OPCML: variants seen among roughly 807,000 people sequenced by gnomAD.
The protein encoded by OPCML is opioid binding protein/cell adhesion molecule like.
In OPCML, 13 loss-of-function variants were observed where a neutral mutation model predicts 37.8. The observed-to-expected ratio is 0.34, with a 90% CI of 0.22 to 0.55. The LOEUF (loss-of-function observed/expected upper bound fraction) is 0.55. OPCML is among the 20% of genes least tolerant of loss of function. The probability of loss-of-function intolerance (pLI) is 0.91; values close to 1 mark genes in which losing one functional copy is unlikely to be tolerated. For synonymous variants in OPCML, 176 were observed against 168.8 expected (o/e 1.04, Z -0.33); for missense variants, 341 against 435.6 (o/e 0.78, Z 1.93).
chr11:133,037,272 C>T lies in OPCML; in HGVS notation c.62-94262G>A, dbSNP rs192875986. 3.3e-5 allele frequency among the ~76,000 whole-genome samples: 5 copies of T among 152,202 alleles called. No individual in the cohort carries two copies. In the East Asian group the frequency reaches 9.7e-4, roughly 29 times the overall value. On this transcript the variant is annotated intron_variant, in intron 1 of 7. Transcript: ENST00000524381. Reference sequence around the variant, plus strand: ...CTTATATCATTCTGGGAAGTAATCTCAATACGTAAGAGTTATAAGAAACCA... The same window carrying T: ...CTTATATCATTCTGGGAAGTAATCTTAATACGTAAGAGTTATAAGAAACCA...
intron 1 of OPCML, among the ~76,000 whole-genome samples, chr11:133,184,176 T>C (rs1937966179): frequency 6.6e-6 from 1 of 152,176 alleles, no homozygotes; most frequent in African/African-American, 2.4e-5. Flanking sequence ...TTTGTCTATT[T>C]CCTCACTCGC....
chr11:132,730,558 G>A (rs530383386), intron 2 of OPCML, among the ~76,000 whole-genome samples: 1 of 152,206 alleles, frequency 6.6e-6, no homozygotes, highest in African/African-American at 2.4e-5. Context: ...ATAACCCCCT[G>A]GAGAAGCACC....
intron 3 of OPCML, among the ~76,000 whole-genome samples, chr11:132,632,794 C>T (rs897104951): frequency 5.3e-5 from 8 of 152,112 alleles, no homozygotes; most frequent in Non-Finnish European, 8.8e-5. Context: ...CACATCTCTG[C>T]GTTCAGCACG....
intron 4 of OPCML, among the ~76,000 whole-genome samples, chr11:132,447,352 G>T (rs1269843169): frequency 2.6e-5 from 4 of 152,176 alleles, no homozygotes; most frequent in Admixed American, 2.6e-4. Context: ...AGACAGGAGT[G>T]CAGTGGCGCA....
chr11:132,824,815 C>G lies in OPCML; in HGVS notation c.146+118111G>C, dbSNP rs1235839663. Among the ~76,000 whole-genome samples, 6 of 152,286 alleles carry G rather than the reference C, an allele frequency of 3.9e-5. No homozygotes were observed. The East Asian group carries it at 1.2e-3, about 29-fold the overall frequency. On this transcript the variant is annotated intron_variant, in intron 2 of 7. Transcript: ENST00000524381. ...GTGATTGTCATTCCTCCCTCTGTGACCCCATCTCACACCACTTCCTCCTGC... is the reference window on the plus strand; with the variant it reads ...GTGATTGTCATTCCTCCCTCTGTGAGCCCATCTCACACCACTTCCTCCTGC...
intron 2 of OPCML, among the ~76,000 whole-genome samples, chr11:132,884,499 T>C (rs1194396696): frequency 1.3e-5 from 2 of 152,168 alleles, no homozygotes; most frequent in Non-Finnish European, 2.9e-5. Context: ...TTTATTTGAC[T>C]AGATCTTAGA....
intron 2 of OPCML, among the ~76,000 whole-genome samples, chr11:132,691,863 A>T (rs867177099): frequency 2.6e-5 from 4 of 152,192 alleles, no homozygotes; most frequent in Non-Finnish European, 4.4e-5. Context: ...AGCTTAGGGT[A>T]CTATTTCACA....
intron 1 of OPCML, among the ~76,000 whole-genome samples, chr11:133,384,247 C>CAAAAAAAAAA (rs1186998875): frequency 5.6e-5 from 4 of 71,170 alleles, no homozygotes; most frequent in African/African-American, 1.4e-4. Context: ...GGCCACTGTG[C>CAAAAAAAAAA]AAAAAAAAAA....
At chr11:132,988,137 C>T (rs1232473594) in intron 1 of OPCML, among the ~76,000 whole-genome samples, 1 of 152,088 alleles carries the variant, frequency 6.6e-6, no homozygotes, top group African/African-American at 2.4e-5. Context: ...ACTTTGATGA[C>T]AGAAAAGGAA....
rs185506636 is a variant in OPCML, at chr11:133,236,190, C to T, written c.62-293180G>A. Among the ~76,000 whole-genome samples the T allele has an allele frequency of 2.1e-3, 314 of 152,150 alleles. 1 individual carries two copies. The highest frequency in any genetic ancestry group is 7.1e-3 in the African/African-American group (294 of 41,500). On this transcript the variant is annotated intron_variant, in intron 1 of 7. Transcript: ENST00000524381. ...AAGGGTGGCTTGAACACATGCACTG[C>T]GATAATCCCCACAGTCGATCTGGTA... is the stretch of plus-strand genomic sequence containing the variant.
intron 2 of OPCML, among the ~76,000 whole-genome samples, chr11:132,857,544 A>G (rs957170827): frequency 6.6e-6 from 1 of 152,208 alleles, no homozygotes; most frequent in Non-Finnish European, 1.5e-5. Flanking sequence ...CCCTTTTTCT[A>G]CTACAATCTG....
intron 2 of OPCML, among the ~76,000 whole-genome samples, chr11:132,775,678 C>T (rs1050684362): frequency 6.6e-6 from 1 of 152,168 alleles, no homozygotes; most frequent in African/African-American, 2.4e-5. Context: ...TCCTTAGCAC[C>T]CACTAAAGTA....
intron 1 of OPCML, chr11:133,024,515 G>A (rs768891133): frequency 2.2e-4 from 212 of 985,348 alleles, no homozygotes; most frequent in African/African-American, 6.5e-4. Flanking sequence ...TTTAAGAAAC[G>A]CTTATTGCCT....
At chr11:132,469,646 G>A (rs1157689890) in intron 4 of OPCML, among the ~76,000 whole-genome samples, 1 of 142,972 alleles carries the variant, frequency 7.0e-6, no homozygotes, top group East Asian at 2.1e-4. Context: ...ATGTGTGTGG[G>A]GGTGTATGTG....
Position 132,650,357 on chromosome 11 carries a change from G to C in OPCML, c.379+6730C>G, listed in dbSNP as rs191566497. 6.6e-4 allele frequency among the ~76,000 whole-genome samples: 101 copies of C among 152,224 alleles called. 1 individual carries two copies. Among genetic ancestry groups the C allele is most frequent in the Middle Eastern group, 6.8e-3 (2 of 294 alleles). ...GAGACACAGAGTGCAGAGACTCCTGGTCACACACAAATTCCCAGATGAATT... is the reference window on the plus strand; with the variant it reads ...GAGACACAGAGTGCAGAGACTCCTGCTCACACACAAATTCCCAGATGAATT... On this transcript the variant is annotated intron_variant, in intron 3 of 7. Coordinates refer to ENST00000524381, the MANE Select transcript of OPCML (RefSeq NM_001012393.5).
At position 132,657,517 on chromosome 11, in the gene OPCML, A is replaced by G. The variant is rs1434625576; in HGVS notation, c.147-198T>C. 2.2e-5 allele frequency: 15 copies of G among 670,666 alleles called. No homozygotes were observed. In the Admixed American group the frequency reaches 8.8e-4, roughly 39 times the overall value. The allele number at this position is 670,666 out of a possible 1,614,324, so 41.5% of individuals were successfully genotyped here. Reference sequence around the variant, plus strand: ...ACCAGAATCATCTTGAAGAACTGACAATACAAAATCATTTCTATTTGACTT... The same window carrying G: ...ACCAGAATCATCTTGAAGAACTGACGATACAAAATCATTTCTATTTGACTT... On this transcript the variant is annotated intron_variant, in intron 2 of 7. Coordinates refer to ENST00000524381, the MANE Select transcript of OPCML (RefSeq NM_001012393.5).
chr11:133,528,884 C>A (rs993985227), intron 1 of OPCML, among the ~76,000 whole-genome samples: 1 of 152,132 alleles, frequency 6.6e-6, no homozygotes, highest in South Asian at 2.1e-4. Flanking sequence ...AAGAAGGGGA[C>A]AAACAGGAAG....
In OPCML at chr11:133,055,105, C is replaced by T. The variant is rs1015703386; in HGVS notation, c.62-112095G>A. Among the ~76,000 whole-genome samples, 156 of 135,658 alleles carry T rather than the reference C, an allele frequency of 1.1e-3. 1 individual carries two copies. The highest frequency in any genetic ancestry group is 1.9e-3 in the Non-Finnish European group (118 of 63,140). 89.0% of individuals were successfully genotyped at this position (135,658 alleles called of 152,430 possible). ...GACTCCATGAGGGAGCCGCCTCTAC[C>T]GTACAATGCTGCCTCCATGATACTT... On this transcript the variant is annotated intron_variant, in intron 1 of 7. Transcript: ENST00000524381.
intron 3 of OPCML, among the ~76,000 whole-genome samples, chr11:132,635,334 C>T (rs1311057448): frequency 1.3e-5 from 2 of 152,052 alleles, no homozygotes; most frequent in Non-Finnish European, 2.9e-5. Context: ...AATTCGATTC[C>T]TCCCATTCCT....
Sources: allele counts gnomAD v4.1 joint callset (sites outside exome capture counted in the v4.1 genomes callset), GRCh38; gene constraint gnomAD v4.1.1; transcripts MANE v1.5; gene names NCBI Gene and HGNC (gene_info 2026-07-23, HGNC 2026-07-21).